Variants in HTRA3 observed in about 807,000 individuals in gnomAD.
HTRA3 encodes the protein HtrA serine peptidase 3, also known as serine protease HTRA3.
In HTRA3, 41 loss-of-function variants were observed where a neutral mutation model predicts 43.2. The ratio of observed to expected loss-of-function variants is 0.95; its 90% confidence interval spans 0.74 to 1.23. HTRA3 has a LOEUF of 1.23. Ranked by LOEUF, HTRA3 falls within the 50% of genes most tolerant of loss-of-function variation. HTRA3 has a pLI of 0.00. For synonymous variants in HTRA3, 295 were observed against 287.9 expected, an observed-to-expected ratio of 1.02 and a Z score of -0.25; for missense variants, 628 against 647.1, an observed-to-expected ratio of 0.97 and a Z score of 0.32.
intron 1 of HTRA3, among the ~76,000 whole-genome samples, chr4:8,270,557 A>C (rs1032272455): frequency 6.6e-6 from 1 of 152,196 alleles, no homozygotes; most frequent in Admixed American, 6.5e-5. Flanking sequence ...TCACAGAATT[A>C]GAGTCAAAAG....
At chr4:8,298,594 T>G (rs905354035) in intron 6 of HTRA3, among the ~76,000 whole-genome samples, 3 of 152,242 alleles carry the variant, frequency 2.0e-5, no homozygotes, top group African/African-American at 7.2e-5. Flanking sequence ...AGAAAGATTT[T>G]TCTCCTACAA....
chr4:8,295,571 C>T lies in HTRA3; in HGVS notation c.1051+1370C>T. ...TTCCTGGGGGCCTCTCCCTCCCCAC[C>T]TTCTCTTCAGCCCTAGTGAGCTTCT... On this transcript the variant is annotated intron_variant, in intron 6 of 8. Coordinates refer to ENST00000307358, the MANE Select transcript of HTRA3 (RefSeq NM_053044.5). The surrounding 1 kb of genome is among the most constrained non-coding windows in gnomAD (Gnocchi z 6.9). The T allele has an allele frequency of 1.6e-6, 1 of 617,054 alleles. No individual in the cohort carries two copies. Among genetic ancestry groups the T allele is most frequent in the Non-Finnish European group, 2.4e-6 (1 of 416,434 alleles). 38.2% of individuals were successfully genotyped at this position (617,054 alleles called of 1,614,324 possible).
chr4:8,280,045 A>T (rs951648417), intron 1 of HTRA3, among the ~76,000 whole-genome samples: 3 of 152,146 alleles, frequency 2.0e-5, no homozygotes, highest in African/African-American at 7.2e-5. Context: ...AGGCAGGATT[A>T]GGGCCGGGCC....
chr4:8,295,583 C>A lies in HTRA3; in HGVS notation c.1051+1382C>A. On this transcript the variant is annotated intron_variant, in intron 6 of 8. Transcript: ENST00000307358. This position sits in a 1 kb window ranked among gnomAD's most constrained non-coding sequence, Gnocchi z 6.9. ...TCTCCCTCCCCACCTTCTCTTCAGC[C>A]CTAGTGAGCTTCTCCCTCCTGCCAT... The A allele has an allele frequency of 1.4e-6, 1 of 706,472 alleles. No homozygotes were observed. The highest frequency in any genetic ancestry group is 2.0e-6 in the Non-Finnish European group (1 of 487,902). 43.8% of individuals were successfully genotyped at this position (706,472 alleles called of 1,614,324 possible). A position where few individuals can be genotyped will look rare whatever the true frequency, so the allele number is the denominator to read the frequency against.
At chr4:8,304,163 T>C in intron 7 of HTRA3, 21 bp from the exon 8 acceptor site, 1 of 1,608,520 alleles carries the variant, frequency 6.2e-7, no homozygotes, top group Non-Finnish European at 8.5e-7. Flanking sequence ...GGGAGGGGCC[T>C]TGACGGCAGA....
At chr4:8,299,472 CT>C (rs533718870) in intron 6 of HTRA3, among the ~76,000 whole-genome samples, 17 of 148,882 alleles carry the variant, frequency 1.1e-4, no homozygotes, top group South Asian at 4.3e-4. Context: ...ATCTGAATGC[CT>C]TTTTTTTTTC....
intron 6 of HTRA3, 51 bp downstream of exon 6, chr4:8,294,252 C>A (rs1349084436): frequency 7.4e-7 from 1 of 1,346,194 alleles, no homozygotes; most frequent in Non-Finnish European, 1.0e-6. Context: ...TCTCCCAGGG[C>A]TACAGCCCCT....
rs1364278123 is a variant in HTRA3, at chr4:8,291,454, C to G, written c.793C>G (p.Leu265Val). Residue 265 changes from leucine (L) to valine (V), a missense_variant, in exon 4 of 9, where the codon CTA becomes GTA. Coordinates refer to ENST00000307358, the MANE Select transcript of HTRA3 (RefSeq NM_053044.5). ...FVVAIGSPFALQNTVTTGIVS... is the reference protein window; with the variant it reads ...FVVAIGSPFAVQNTVTTGIVS... ...GGTGGCCATCGGCAGTCCCTTCGCC[C>G]TACAGAACACAGTGACAACGGGCAT... The G allele has an allele frequency of 2.5e-6, 4 of 1,613,188 alleles. No individual in the cohort carries two copies. Among genetic ancestry groups the G allele is most frequent in the Non-Finnish European group, 3.4e-6 (4 of 1,180,006 alleles).
In HTRA3 at chr4:8,286,487, G is replaced by T; in HGVS notation, c.486-74G>T. The T allele has an allele frequency of 8.2e-7, 1 of 1,214,608 alleles. No individual in the cohort carries two copies. Among genetic ancestry groups the T allele is most frequent in the Non-Finnish European group, 1.2e-6 (1 of 829,070 alleles). The allele number at this position is 1,214,608 out of a possible 1,614,324, so 75.2% of individuals were successfully genotyped here. A position where few individuals can be genotyped will look rare whatever the true frequency, so the allele number is the denominator to read the frequency against. On this transcript the variant is annotated intron_variant, in intron 2 of 8. Coordinates refer to ENST00000307358, the MANE Select transcript of HTRA3 (RefSeq NM_053044.5). The surrounding 1 kb of genome is among the most constrained non-coding windows in gnomAD (Gnocchi z 4.9). ...CACTGGCTCTGCTCCTCGCTGACCA[G>T]CCCCACCACTGCGCCTGACTCCCCC...
chr4:8,295,744 C>T lies in HTRA3; in HGVS notation c.1051+1543C>T, dbSNP rs1713430625. On this transcript the variant is annotated intron_variant, in intron 6 of 8. Coordinates refer to ENST00000307358, the MANE Select transcript of HTRA3 (RefSeq NM_053044.5). This position sits in a 1 kb window ranked among gnomAD's most constrained non-coding sequence, Gnocchi z 6.9. ...AGCAGGGGGCTTCCTCACGTTTCCCCCTCCTCCATGACCCCGTCAGCCAAG... is the reference window on the plus strand; with the variant it reads ...AGCAGGGGGCTTCCTCACGTTTCCCTCTCCTCCATGACCCCGTCAGCCAAG... 1 of 1,330,364 alleles carries T rather than the reference C, an allele frequency of 7.5e-7. No homozygotes were observed. The highest frequency in any genetic ancestry group is 2.1e-5 in the South Asian group (1 of 48,686). The allele number at this position is 1,330,364 out of a possible 1,614,324, so 82.4% of individuals were successfully genotyped here.
At chr4:8,287,583 T>G (rs972207862) in intron 3 of HTRA3, among the ~76,000 whole-genome samples, 1 of 151,954 alleles carries the variant, frequency 6.6e-6, no homozygotes, top group Non-Finnish European at 1.5e-5. Context: ...ATGCCACACA[T>G]TTTAAAACCA....
rs1713407911 is a variant in HTRA3 at position 8,295,037 on chromosome 4, T to C, written c.1051+836T>C. Among the ~76,000 whole-genome samples, 1 of 151,390 alleles carries C rather than the reference T, an allele frequency of 6.6e-6. No individual in the cohort carries two copies. The highest frequency in any genetic ancestry group is 2.1e-4 in the South Asian group (1 of 4,768). ...ACTCATCCACCCACCTATCCACCCA[T>C]TCACCCACCTGGCCACCATTTCTTC... On this transcript the variant is annotated intron_variant, in intron 6 of 8. Transcript: ENST00000307358. The surrounding 1 kb of genome is among the most constrained non-coding windows in gnomAD (Gnocchi z 6.9).
intron 1 of HTRA3, among the ~76,000 whole-genome samples, chr4:8,273,954 C>G (rs1712412726): frequency 6.6e-6 from 1 of 152,102 alleles, no homozygotes; most frequent in Admixed American, 6.5e-5. Flanking sequence ...CCCCTCAGCT[C>G]ATCCACAAAA....
intron 2 of HTRA3, among the ~76,000 whole-genome samples, chr4:8,284,901 A>C (rs919679242): frequency 6.6e-6 from 1 of 152,200 alleles, no homozygotes; most frequent in African/African-American, 2.4e-5. Flanking sequence ...CACAGACTGC[A>C]TGGCTTAAAA....
At position 8,296,129 on chromosome 4, in the gene HTRA3, GTT is replaced by G; in HGVS notation, c.1051+1930_1051+1931del. 1.0e-6 allele frequency: 1 copy of G among 998,774 alleles called. No homozygotes were observed. Among genetic ancestry groups the G allele is most frequent in the Non-Finnish European group, 1.2e-6 (1 of 839,118 alleles). 61.9% of individuals were successfully genotyped at this position (998,774 alleles called of 1,614,324 possible). On this transcript the variant is annotated intron_variant, in intron 6 of 8. Coordinates refer to ENST00000307358, the MANE Select transcript of HTRA3 (RefSeq NM_053044.5). The surrounding 1 kb of genome is among the most constrained non-coding windows in gnomAD (Gnocchi z 5.3). ...CTTACTGGAAATTAGCGGAGCTGCT[GTT>G]TGCACACACTGAGCTGTGAGGTGGC... is the stretch of plus-strand genomic sequence containing the variant.
intron 1 of HTRA3, among the ~76,000 whole-genome samples, chr4:8,270,619 C>T (rs1417548294): frequency 6.6e-6 from 1 of 152,216 alleles, no homozygotes; most frequent in African/African-American, 2.4e-5. Flanking sequence ...AGGACTGTTT[C>T]CAGCTCTGGT....
Position 8,286,634 on chromosome 4 carries a change from A to T in HTRA3, c.559A>T (p.Ile187Phe). 1.9e-6 allele frequency: 3 copies of T among 1,614,150 alleles called. No individual in the cohort carries two copies. The highest frequency in any genetic ancestry group is 2.5e-6 in the Non-Finnish European group (3 of 1,180,036). ...CATCATGTCAGAGGCCGGCCTGATC[A>T]TCACCAATGCCCACGTGGTGTCCAG... ...GFIMSEAGLI[I>F]TNAHVVSSNS... Residue 187 changes from isoleucine to phenylalanine, a missense_variant, in exon 3 of 9, where the codon ATC becomes TTC. Transcript: ENST00000307358. The surrounding 1 kb of genome is among the most constrained non-coding windows in gnomAD (Gnocchi z 4.9).
At chr4:8,291,973 C>G (rs1713261369) in intron 4 of HTRA3, among the ~76,000 whole-genome samples, 3 of 152,244 alleles carry the variant, frequency 2.0e-5, no homozygotes, top group Admixed American at 1.3e-4. Context: ...GCAGCTCAGG[C>G]ACTTGGCTGG....
intron 7 of HTRA3, 51 bp downstream of exon 7, chr4:8,302,562 A>G: frequency 6.4e-7 from 1 of 1,564,664 alleles, no homozygotes; most frequent in Non-Finnish European, 8.8e-7. Flanking sequence ...CTCATCCCTC[A>G]CCCTGACCCT....
Sources: gnomAD v4.1 joint callset for allele counts (sites outside exome capture counted in the v4.1 genomes callset) on GRCh38, gnomAD v4.1.1 for gene constraint, Gnocchi (gnomAD v3.1) non-coding constraint, MANE v1.5 for transcripts, NCBI Gene and HGNC (gene_info 2026-07-23, HGNC 2026-07-21) for gene names.